The following TDRD9 variants were observed in gnomAD, a reference collection of about 807,000 sequenced individuals.
TDRD9 encodes the protein tudor domain containing 9, also known as ATP-dependent RNA helicase TDRD9.
In TDRD9, 124 loss-of-function variants were observed where a neutral mutation model predicts 172.6. The ratio of observed to expected loss-of-function variants is 0.72; its 90% CI spans 0.62 to 0.83. The LOEUF (loss-of-function observed/expected upper bound fraction) is 0.83, where lower values mean the gene tolerates loss of function less well. TDRD9 is among the 40% of genes least tolerant of loss of function. TDRD9 has a pLI of 0.00. For synonymous variants in TDRD9, 619 were observed against 617.1 expected (o/e 1.00, Z -0.05); for missense variants, 1,479 against 1,714.1 (o/e 0.86, Z 2.42).
rs1566798967 is a variant in TDRD9 at position 104,035,069 on chromosome 14, CTCTTG to C, written c.3716+17_3716+21del. The C allele has an allele frequency of 6.5e-7, 1 of 1,547,348 alleles. No homozygotes were observed. The highest frequency in any genetic ancestry group is 8.7e-7 in the Non-Finnish European group (1 of 1,143,386). On this transcript the variant is annotated intron_variant, in intron 32 of 35. Coordinates refer to ENST00000409874, the MANE Select transcript of TDRD9 (RefSeq NM_153046.3). Reference sequence around the variant, plus strand: ...TGATAGAGTTAAGGTACGGGCATCCCTCTTGTCTATAGGCTTTGTAAAATAAGAAC... The same window carrying C: ...TGATAGAGTTAAGGTACGGGCATCCCTCTATAGGCTTTGTAAAATAAGAAC...
chr14:103,980,607 C>T lies in TDRD9; in HGVS notation c.1011+5054C>T, dbSNP rs1006442795. On this transcript the variant is annotated intron_variant, in intron 7 of 35. Transcript: ENST00000409874. This position sits in a 1 kb window ranked among gnomAD's most constrained non-coding sequence, Gnocchi z 4.5. ...AGACGGTTAGGCCTCCGGATAACTG[C>T]GGGCGGGCCTAACTGATGTCAAGCC... 4.6e-5 allele frequency among the ~76,000 whole-genome samples: 7 copies of T among 152,202 alleles called. No homozygotes were observed. The highest frequency in any genetic ancestry group is 4.1e-4 in the South Asian group (2 of 4,826).
intron 24 of TDRD9, among the ~76,000 whole-genome samples, chr14:104,023,879 A>T (rs1261804870): frequency 6.6e-6 from 1 of 152,176 alleles, no homozygotes; most frequent in African/African-American, 2.4e-5. Context: ...GACTCCACTT[A>T]CTTTTGTAAT....
At chr14:104,015,902 C>A in intron 21 of TDRD9, 79 bp from the exon 22 acceptor site, 1 of 991,412 alleles carries the variant, frequency 1.0e-6, no homozygotes, top group Non-Finnish European at 1.5e-6. Flanking sequence ...TCATATCATG[C>A]TGGGTTGAGA....
intron 23 of TDRD9, among the ~76,000 whole-genome samples, chr14:104,021,627 A>C (rs1342638945): frequency 1.3e-5 from 2 of 152,190 alleles, no homozygotes; most frequent in Non-Finnish European, 2.9e-5. Flanking sequence ...TGGGAGGCGG[A>C]GGTTGCAGTG....
At chr14:104,003,718 T>A (rs766479769) in intron 13 of TDRD9, among the ~76,000 whole-genome samples, 25 of 151,684 alleles carry the variant, frequency 1.6e-4, no homozygotes, top group Non-Finnish European at 3.1e-4. Flanking sequence ...CAGCCTTGGT[T>A]CTGAACCTTC....
At position 103,928,689 on chromosome 14, in the gene TDRD9, C is replaced by T; in HGVS notation, c.180C>T (p.Ala60=). The part of the protein sequence containing the change: ...AGPAAQAPAL[A]QAPARPAAAF... Reference sequence around the variant, plus strand: ...CCGCGGCCCAGGCTCCGGCTCTGGCCCAAGCTCCGGCCCGGCCGGCCGCTG... The same window carrying T: ...CCGCGGCCCAGGCTCCGGCTCTGGCTCAAGCTCCGGCCCGGCCGGCCGCTG... The change falls in exon 1 of 36, where the codon GCC becomes GCT. Residue 60 remains alanine (A), a synonymous_variant. Coordinates refer to ENST00000409874, the MANE Select transcript of TDRD9 (RefSeq NM_153046.3). The T allele has an allele frequency of 8.3e-7, 1 of 1,210,652 alleles. No homozygotes were observed. The highest frequency in any genetic ancestry group is 1.0e-6 in the Non-Finnish European group (1 of 965,262). The allele number at this position is 1,210,652 out of a possible 1,614,324, so 75.0% of individuals were successfully genotyped here. A position where few individuals can be genotyped will look rare whatever the true frequency, so the allele number is the denominator to read the frequency against.
chr14:103,988,530 T>C (rs1247748992), intron 8 of TDRD9, among the ~76,000 whole-genome samples: 1 of 152,184 alleles, frequency 6.6e-6, no homozygotes. Flanking sequence ...AATCCATTTA[T>C]GTTGTTTAAT....
intron 6 of TDRD9, among the ~76,000 whole-genome samples, chr14:103,973,552 C>T (rs1245326576): frequency 1.3e-5 from 2 of 152,186 alleles, no homozygotes; most frequent in Non-Finnish European, 2.9e-5. Context: ...GGAGAAGAGG[C>T]AGAGGGCTGC....
intron 7 of TDRD9, among the ~76,000 whole-genome samples, chr14:103,977,631 T>C (rs2033304724): frequency 1.4e-5 from 1 of 72,158 alleles, no homozygotes; most frequent in Non-Finnish European, 3.4e-5. Flanking sequence ...GATTTCTTTC[T>C]TTTTTTTTTT....
In TDRD9 at chr14:103,960,074, T is replaced by C. The variant is rs375114919; in HGVS notation, c.323-3005T>C. On this transcript the variant is annotated intron_variant, in intron 2 of 35. Coordinates refer to ENST00000409874, the MANE Select transcript of TDRD9 (RefSeq NM_153046.3). Reference sequence around the variant, plus strand: ...ACCGAAAGAGAAACATTATTCTTCCTTCAAGTTAATTTTGTATTCAGAATA... The same window carrying C: ...ACCGAAAGAGAAACATTATTCTTCCCTCAAGTTAATTTTGTATTCAGAATA... 2.6e-5 allele frequency among the ~76,000 whole-genome samples: 4 copies of C among 152,374 alleles called. 1 individual carries two copies. Among genetic ancestry groups the C allele is most frequent in the East Asian group, 1.9e-4 (1 of 5,190 alleles).
chr14:103,956,138 ATATATATATAT>A (rs1566738452), intron 2 of TDRD9, among the ~76,000 whole-genome samples: 2 of 111,418 alleles, frequency 1.8e-5, no homozygotes, highest in African/African-American at 4.1e-5. Context: ...ATATATATAT[ATATATATATAT>A]AATTATTAGG....
At chr14:104,040,472 T>A (rs2035582196) in intron 33 of TDRD9, 138 bp downstream of exon 33, 1 of 973,656 alleles carries the variant, frequency 1.0e-6, no homozygotes, top group Non-Finnish European at 1.4e-6. Flanking sequence ...ACGTTCCTTG[T>A]CCCTCCTGGA....
chr14:103,999,643 A>ACATTTAATCTTTGAATCTTCCT (rs1566771643), intron 13 of TDRD9, among the ~76,000 whole-genome samples: 3 of 130,568 alleles, frequency 2.3e-5, no homozygotes, highest in African/African-American at 5.9e-5. Context: ...TGTTTTTTAG[A>ACATTTAATCTTTGAATCTTCCT]AAACCTTTTG....
chr14:104,043,242 A>ATT (rs1180196736), intron 34 of TDRD9, among the ~76,000 whole-genome samples: 18 of 139,276 alleles, frequency 1.3e-4, no homozygotes, highest in African/African-American at 3.4e-4. Flanking sequence ...CAAGCTGGTA[A>ATT]TTTTTTTTTT....
chr14:103,952,216 ATATATTTTTTTTTTTTTTTTTTTT>A (rs2031950035), intron 1 of TDRD9, among the ~76,000 whole-genome samples: 1 of 49,918 alleles, frequency 2.0e-5, no homozygotes, highest in African/African-American at 1.0e-4. Flanking sequence ...ATATATATAT[ATATATTTTTTTTTTTTTTTTTTTT>A]TTTTTTTTTT....
intron 31 of TDRD9, 119 bp downstream of exon 31, chr14:104,034,188 TTTTTC>T (rs1234699980): frequency 0.012 from 3,745 of 325,058 alleles, 2 homozygotes; most frequent in South Asian, 0.02. Flanking sequence ...CTATTCTTTT[TTTTTC>T]TTTTTTTTTT....
intron 3 of TDRD9, 107 bp from the exon 4 acceptor site, chr14:103,965,226 A>C (rs1472575144): frequency 8.2e-7 from 1 of 1,224,520 alleles, no homozygotes; most frequent in Non-Finnish European, 1.1e-6. Context: ...AAAACAAAAC[A>C]AAACTTTAAG....
Position 104,034,070 on chromosome 14 carries a change from G to A in TDRD9, c.3619+1G>A. On this transcript the variant is annotated splice_donor_variant, in intron 31 of 35. Coordinates refer to ENST00000409874, the MANE Select transcript of TDRD9 (RefSeq NM_153046.3). LOFTEE classifies it high-confidence loss of function. ...GCTTCCCTTTCCATCAATGCGACTGGTAATTTAAAGATCCTGTTTATTCCT... is the reference window on the plus strand; with the variant it reads ...GCTTCCCTTTCCATCAATGCGACTGATAATTTAAAGATCCTGTTTATTCCT... 1 of 1,538,292 alleles carries A rather than the reference G, an allele frequency of 6.5e-7. No individual in the cohort carries two copies. The highest frequency in any genetic ancestry group is 2.0e-5 in the Admixed American group (1 of 50,922).
At chr14:103,963,015 A>G (rs1304008426) in intron 2 of TDRD9, 64 bp from the exon 3 acceptor site, 1 of 887,812 alleles carries the variant, frequency 1.1e-6, no homozygotes. Context: ...ATAGATTAGA[A>G]CATTGAGTTA....
Sources: gnomAD v4.1 joint callset for allele counts (sites outside exome capture counted in the v4.1 genomes callset) on GRCh38, gnomAD v4.1.1 for gene constraint, Gnocchi (gnomAD v3.1) non-coding constraint, MANE v1.5 for transcripts, NCBI Gene and HGNC (gene_info 2026-07-23, HGNC 2026-07-21) for gene names.